Variants in LRRC53 observed in about 807,000 individuals in gnomAD.
LRRC53 encodes the protein leucine rich repeat containing 53.
In LRRC53, 25 loss-of-function variants were observed where a neutral mutation model predicts 13.6. The observed-to-expected ratio is 1.83, with a 90% CI of 1.34 to 2.56. LRRC53 has a LOEUF of 2.56. Among genes scored for constraint, LRRC53 ranks in the 30% most tolerant of loss-of-function variants. The probability of loss-of-function intolerance (pLI) is 0.00; values close to 1 mark genes in which losing one functional copy is unlikely to be tolerated. For missense variants in LRRC53, 527 were observed against 275.8 expected, an observed-to-expected ratio of 1.91 and a Z score of -6.45; for synonymous variants, 204 against 109.8, an observed-to-expected ratio of 1.86 and a Z score of -5.37.
chr1:74,501,466 T>G (rs1451526307), intron 1 of LRRC53, among the ~76,000 whole-genome samples: 1 of 136,138 alleles, frequency 7.3e-6, no homozygotes, highest in Non-Finnish European at 1.6e-5. Context: ...GAGGGTTTTT[T>G]TTGTTTTGTG....
rs45592143 is a variant in LRRC53, at chr1:74,489,172, C to CT, written c.-26-5798dup. 41,274 of 1,601,692 alleles carry CT rather than the reference C, an allele frequency of 0.026. 2,690 individuals carry two copies. The highest frequency in any genetic ancestry group is 0.26 in the African/African-American group (19,025 of 74,032). ...CTTTTATTCTTAAGGGAAAAAAGTT[C>CT]TTTTTTCTATTTACAGGGAAGACCC... On this transcript the variant is annotated intron_variant, in intron 1 of 4. Coordinates refer to ENST00000294635, the MANE Select transcript of LRRC53 (RefSeq NM_001382280.1).
Position 74,475,681 on chromosome 1 carries a change from G to C in LRRC53, c.1034C>G (p.Ala345Gly). The stretch of plus-strand genomic sequence containing the variant: ...GTATCCCTTAGTGTGGTAATTTCTT[G>C]CCTCATGAGCACACAGGGGTTCATC... ...TFDEPLCAHE[A>G]RNYHTKGYCN... Residue 345 changes from alanine (A) to glycine (G), a missense_variant, in exon 4 of 5, where the codon GCA becomes GGA. By Grantham distance (60) the Ala-to-Gly change is moderately conservative. Coordinates refer to ENST00000294635, the MANE Select transcript of LRRC53 (RefSeq NM_001382280.1). 1.4e-6 allele frequency: 1 copy of C among 715,140 alleles called. No homozygotes were observed. 44.3% of individuals were successfully genotyped at this position (715,140 alleles called of 1,614,324 possible). A position where few individuals can be genotyped will look rare whatever the true frequency, so the allele number is the denominator to read the frequency against.
At chr1:74,475,128 AC>A (rs1438861018) in intron 4 of LRRC53, among the ~76,000 whole-genome samples, 166 bp downstream of exon 4, 5 of 150,914 alleles carry the variant, frequency 3.3e-5, no homozygotes, top group African/African-American at 1.2e-4. Context: ...ACACACACAC[AC>A]ACACACACAC....
chr1:74,524,335 G>A, the LRRC53 span, among the ~76,000 whole-genome samples: 2 of 152,184 alleles, frequency 1.3e-5, no homozygotes, highest in Admixed American at 6.5e-5. Flanking sequence ...GAAACAGAGG[G>A]GGCTTGGCCC....
chr1:74,529,513 C>T, the LRRC53 span, among the ~76,000 whole-genome samples: 1 of 152,196 alleles, frequency 6.6e-6, no homozygotes, highest in South Asian at 2.1e-4. Flanking sequence ...GCATGTGATT[C>T]TGAATTAGAT....
At position 74,471,148 on chromosome 1, in the gene LRRC53, C is replaced by G. The variant is rs1353250858; in HGVS notation, c.2474G>C (p.Ser825Thr). The G allele has an allele frequency of 5.0e-6, 2 of 400,562 alleles. No homozygotes were observed. The highest frequency in any genetic ancestry group is 8.8e-6 in the Non-Finnish European group (2 of 226,208). The allele number at this position is 400,562 out of a possible 1,614,324, so 24.8% of individuals were successfully genotyped here. ...RVVNQSSIES[S>T]CYSAGHIPDG... is the part of the protein sequence containing the mutation. ...AGGAATGTGGCCAGCTGAGTAACAG[C>G]TGCTTTCTATAGAGCTCTGGTTGAC... is the stretch of plus-strand genomic sequence containing the variant. Residue 825 changes from serine (S) to threonine (T), a missense_variant, in exon 5 of 5, where the codon AGC becomes ACC. Physicochemically the swap from Ser to Thr is moderately conservative, Grantham distance 58. Coordinates refer to ENST00000294635, the MANE Select transcript of LRRC53 (RefSeq NM_001382280.1).
chr1:74,521,529 T>TAC, the LRRC53 span, among the ~76,000 whole-genome samples: 1 of 152,122 alleles, frequency 6.6e-6, no homozygotes, highest in East Asian at 1.9e-4. Flanking sequence ...TATATATATA[T>TAC]ACACCTATAT....
chr1:74,536,814 C>T, the LRRC53 span, among the ~76,000 whole-genome samples: 5 of 152,104 alleles, frequency 3.3e-5, no homozygotes, highest in African/African-American at 1.2e-4. Context: ...CTGTCATTAG[C>T]TTGCATTTAC....
intron 1 of LRRC53, among the ~76,000 whole-genome samples, chr1:74,504,700 G>A (rs1369080762): frequency 6.6e-6 from 1 of 152,060 alleles, no homozygotes; most frequent in Non-Finnish European, 1.5e-5. Context: ...AAAAGAGTGA[G>A]CGAGTGACAT....
At chr1:74,532,049 A>T in the LRRC53 span, among the ~76,000 whole-genome samples, 15 of 152,302 alleles carry the variant, frequency 9.8e-5, no homozygotes, top group South Asian at 8.3e-4. Context: ...CTTTAATCAC[A>T]CTGATAACCT....
rs145901000 is a variant in LRRC53, at chr1:74,505,765, C to T, written c.-27+6761G>A. ...TTGATATTTAGTTAATGGCAACTAA[C>T]GAAATCTGAAAAAATACTGGACCCA... On this transcript the variant is annotated intron_variant, in intron 1 of 4. Transcript: ENST00000294635. Among the ~76,000 whole-genome samples the T allele has an allele frequency of 5.6e-4, 85 of 152,036 alleles. 1 individual carries two copies. Among genetic ancestry groups the T allele is most frequent in the African/African-American group, 1.8e-3 (73 of 41,474 alleles).
the LRRC53 span, among the ~76,000 whole-genome samples, chr1:74,519,744 T>C: frequency 6.6e-6 from 1 of 152,196 alleles, no homozygotes; most frequent in Non-Finnish European, 1.5e-5. Flanking sequence ...ATTTTTCTAA[T>C]GTGAGGACAA....
chr1:74,512,898 C>T, upstream of LRRC53, among the ~76,000 whole-genome samples: 1 of 152,204 alleles, frequency 6.6e-6, no homozygotes, highest in Admixed American at 6.5e-5. Flanking sequence ...GATGGGGTCA[C>T]TATGTGATCA....
chr1:74,489,147 C>T (rs986221160), intron 1 of LRRC53: 6 of 1,574,046 alleles, frequency 3.8e-6, no homozygotes, highest in Non-Finnish European at 5.2e-6. Context: ...AGTCTCCTTC[C>T]TTTTATTCTT....
chr1:74,486,156 T>C (rs1292922526), intron 1 of LRRC53, among the ~76,000 whole-genome samples: 1 of 151,016 alleles, frequency 6.6e-6, no homozygotes, highest in East Asian at 2.0e-4. Context: ...ATTTTAATTG[T>C]TTCCTAAAAT....
At chr1:74,484,674 G>C (rs1245856338) in intron 1 of LRRC53, among the ~76,000 whole-genome samples, 1 of 152,144 alleles carries the variant, frequency 6.6e-6, no homozygotes, top group Non-Finnish European at 1.5e-5. Context: ...GGCATGAGGA[G>C]GTTGGTGTGA....
At chr1:74,490,091 A>G (rs928444716) in intron 1 of LRRC53, among the ~76,000 whole-genome samples, 2 of 149,210 alleles carry the variant, frequency 1.3e-5, no homozygotes, top group Admixed American at 6.7e-5. Context: ...ACTAAGAGTC[A>G]TTGGACCTAG....
intron 1 of LRRC53, among the ~76,000 whole-genome samples, chr1:74,510,075 TG>T (rs1356837647): frequency 6.6e-6 from 1 of 152,200 alleles, no homozygotes; most frequent in Non-Finnish European, 1.5e-5. Flanking sequence ...GTGTATTCTT[TG>T]GGTATTTTAT....
At chr1:74,527,846 A>G in the LRRC53 span, among the ~76,000 whole-genome samples, 4 of 152,224 alleles carry the variant, frequency 2.6e-5, no homozygotes, top group South Asian at 2.1e-4. Context: ...ATGGAGCAGA[A>G]TGTCAGAGTC....
Sources: gnomAD v4.1 joint callset for allele counts (sites outside exome capture counted in the v4.1 genomes callset) on GRCh38, gnomAD v4.1.1 for gene constraint, MANE v1.5 for transcripts, NCBI Gene and HGNC (gene_info 2026-07-23, HGNC 2026-07-21) for gene names.